The following ZBTB20 variants were observed in gnomAD, a reference collection of about 807,000 sequenced individuals.
ZBTB20 encodes zinc finger and BTB domain-containing protein 20.
Under a neutral mutation model 56.9 loss-of-function variants are expected in ZBTB20, and 9 were observed. The observed-to-expected ratio is 0.16, with a 90% CI of 0.10 to 0.28. ZBTB20 has a LOEUF of 0.28. Among genes scored for constraint, ZBTB20 ranks in the 10% least tolerant of loss-of-function variants. The probability of loss-of-function intolerance (pLI) is 1.00; values close to 1 mark genes in which losing one functional copy is unlikely to be tolerated. For missense variants in ZBTB20, 655 were observed against 1,003.0 expected (o/e 0.65, Z 4.69); for synonymous variants, 417 against 420.7 (o/e 0.99, Z 0.11).
chr3:114,351,876 C>A lies in ZBTB20; in HGVS notation c.202G>T (p.Asp68Tyr). The A allele has an allele frequency of 6.3e-7, 1 of 1,586,544 alleles. No individual in the cohort carries two copies. Among genetic ancestry groups the A allele is most frequent in the Non-Finnish European group, 8.6e-7 (1 of 1,161,014 alleles). Residue 68 changes from aspartate to tyrosine, a missense_variant and splice_region_variant, in exon 11 of 12, where the codon GAC (aspartate) becomes TAC (tyrosine). Physicochemically the swap from Asp to Tyr is radical, Grantham distance 160 (BLOSUM62 -3). Around this residue, in one of 10 missense-constraint regions of ZBTB20, gnomAD observed 57 missense variants for 99.1 expected, o/e 0.58. Coordinates refer to ENST00000675478, the MANE Select transcript of ZBTB20 (RefSeq NM_001348800.3). The part of the protein sequence containing the change: ...SHAHTGSSDC[D>Y]ISCKGMTERI... The stretch of plus-strand genomic sequence containing the variant: ...TCGGTCATCCCCTTGCAACTGATGT[C>A]ACCTGCAGCATGTCAACGCAGACAC...
At chr3:115,125,870 G>A (rs2084317558) in intron 1 of ZBTB20, among the ~76,000 whole-genome samples, 1 of 151,954 alleles carries the variant, frequency 6.6e-6, no homozygotes, top group South Asian at 2.1e-4. Context: ...AGAAAATAAA[G>A]CTAATAATCA....
intron 7 of ZBTB20, among the ~76,000 whole-genome samples, chr3:114,472,244 G>T (rs1043673914): frequency 2.0e-5 from 3 of 152,166 alleles, no homozygotes; most frequent in Admixed American, 2.0e-4. Flanking sequence ...AAACATACTT[G>T]TTGAGCAAAA....
At chr3:114,582,649 G>A (rs2054770279) in intron 6 of ZBTB20, among the ~76,000 whole-genome samples, 1 of 152,056 alleles carries the variant, frequency 6.6e-6, no homozygotes, top group Non-Finnish European at 1.5e-5. Context: ...TAAAGTGCCG[G>A]GATTATAGGC....
intron 2 of ZBTB20, among the ~76,000 whole-genome samples, chr3:114,975,433 T>C (rs192857468): frequency 8.5e-5 from 13 of 152,244 alleles, no homozygotes; most frequent in Admixed American, 5.9e-4. Flanking sequence ...AAAATGCCCA[T>C]TAAAATTTTA....
At chr3:114,950,550 G>A (rs889622778) in intron 3 of ZBTB20, among the ~76,000 whole-genome samples, 16 of 152,092 alleles carry the variant, frequency 1.1e-4, no homozygotes, top group African/African-American at 3.9e-4. Flanking sequence ...GAATCAAGTG[G>A]GAGGGGCATT....
At chr3:114,848,883 C>T (rs1009720840) in intron 4 of ZBTB20, among the ~76,000 whole-genome samples, 1 of 152,198 alleles carries the variant, frequency 6.6e-6, no homozygotes, top group Non-Finnish European at 1.5e-5. Context: ...CAAATCCAAT[C>T]AGCAGGATAA....
At chr3:114,846,614 G>GA in intron 4 of ZBTB20, among the ~76,000 whole-genome samples, 1 of 152,134 alleles carries the variant, frequency 6.6e-6, no homozygotes, top group Non-Finnish European at 1.5e-5. Flanking sequence ...AAGAGGATAT[G>GA]GATCCAACAG....
intron 1 of ZBTB20, among the ~76,000 whole-genome samples, chr3:115,092,794 T>C (rs2083245682): frequency 6.6e-6 from 1 of 152,150 alleles, no homozygotes; most frequent in African/African-American, 2.4e-5. Context: ...GTTTATGGCA[T>C]TCGTTCAATC....
At chr3:114,836,286 A>G (rs956031880) in intron 4 of ZBTB20, among the ~76,000 whole-genome samples, 1 of 152,186 alleles carries the variant, frequency 6.6e-6, no homozygotes, top group Non-Finnish European at 1.5e-5. Flanking sequence ...TGCTATATTG[A>G]AAAGTGGGAG....
At position 114,754,537 on chromosome 3, in the gene ZBTB20, G is replaced by A. The variant is rs2067854645; in HGVS notation, c.-343+46564C>T. On this transcript the variant is annotated intron_variant, in intron 5 of 11. Coordinates refer to ENST00000675478, the MANE Select transcript of ZBTB20 (RefSeq NM_001348800.3). ...GATATAATACCATATGGAACCTTGAGTTTTACTTAAAGAGTAGATTATGTG... is the reference window on the plus strand; with the variant it reads ...GATATAATACCATATGGAACCTTGAATTTTACTTAAAGAGTAGATTATGTG... Among the ~76,000 whole-genome samples the A allele has an allele frequency of 2.6e-5, 4 of 152,216 alleles. No individual in the cohort carries two copies. In the South Asian group the frequency reaches 8.3e-4, roughly 32 times the overall value.
intron 4 of ZBTB20, among the ~76,000 whole-genome samples, chr3:114,877,450 G>A (rs1237370228): frequency 5.9e-5 from 9 of 152,086 alleles, no homozygotes; most frequent in Non-Finnish European, 1.0e-4. Context: ...ATCAACCTAC[G>A]GGAAAGGAAC....
intron 3 of ZBTB20, among the ~76,000 whole-genome samples, chr3:114,947,705 T>C (rs1008527804): frequency 6.9e-6 from 1 of 145,832 alleles, no homozygotes; most frequent in Non-Finnish European, 1.5e-5. Context: ...GTACTATGTG[T>C]GTTATTCAGG....
chr3:115,140,800 A>G (rs754942221), intron 1 of ZBTB20, among the ~76,000 whole-genome samples: 3 of 152,146 alleles, frequency 2.0e-5, no homozygotes, highest in Non-Finnish European at 4.4e-5. Context: ...ATGTTGAATT[A>G]GAACATCTTT....
At chr3:114,976,459 C>T (rs940427219) in intron 2 of ZBTB20, among the ~76,000 whole-genome samples, 1 of 152,170 alleles carries the variant, frequency 6.6e-6, no homozygotes, top group East Asian at 1.9e-4. Context: ...AACCCCATCT[C>T]TACTAAAATA....
chr3:114,835,738 A>G (rs1370576450), intron 4 of ZBTB20, among the ~76,000 whole-genome samples: 1 of 152,124 alleles, frequency 6.6e-6, no homozygotes, highest in Non-Finnish European at 1.5e-5. Context: ...TAGATACCTA[A>G]AGACCTTTTT....
At chr3:114,456,217 A>ATATATATATATG (rs201419132) in intron 7 of ZBTB20, among the ~76,000 whole-genome samples, 1 of 151,362 alleles carries the variant, frequency 6.6e-6, no homozygotes, top group African/African-American at 2.4e-5. Context: ...ATATATGGAG[A>ATATATATATATG]GAGAGAGAGA....
intron 4 of ZBTB20, among the ~76,000 whole-genome samples, chr3:114,898,032 G>A (rs1034789519): frequency 2.0e-5 from 3 of 152,108 alleles, no homozygotes; most frequent in African/African-American, 7.2e-5. Context: ...GAGTCATAGA[G>A]ACCATAATTA....
intron 6 of ZBTB20, chr3:114,658,717 A>C (rs2060549161): frequency 6.6e-6 from 1 of 152,204 alleles, no homozygotes. Context: ...AGCATCTCTC[A>C]ATCAATGAAC....
intron 7 of ZBTB20, among the ~76,000 whole-genome samples, chr3:114,474,615 C>T (rs537544825): frequency 2.8e-4 from 43 of 152,214 alleles, no homozygotes; most frequent in South Asian, 4.2e-4. Flanking sequence ...GATACCCAGT[C>T]GGCACCTTCA....
Sources: gnomAD v4.1 joint callset for allele counts (sites outside exome capture counted in the v4.1 genomes callset) on GRCh38, gnomAD v4.1.1 for gene constraint, gnomAD v4.1.1 regional missense constraint, MANE v1.5 for transcripts, NCBI Gene and HGNC (gene_info 2026-07-23, HGNC 2026-07-21) for gene names.